SLC49A3: variants seen among roughly 807,000 people sequenced by gnomAD.
SLC49A3 encodes solute carrier family 49 member A3.
A neutral mutation model predicts 43.8 loss-of-function variants in SLC49A3; 50 were observed. The observed-to-expected ratio is 1.14, with a 90% CI of 0.91 to 1.45. The LOEUF is 1.45. Among genes scored for constraint, SLC49A3 ranks in the 40% most tolerant of loss-of-function variants. The pLI, the probability that SLC49A3 is intolerant of heterozygous loss-of-function variation, is 0.00. For synonymous variants in SLC49A3, 413 were observed against 352.0 expected, an observed-to-expected ratio of 1.17 and a Z score of -1.94; for missense variants, 906 against 774.1, an observed-to-expected ratio of 1.17 and a Z score of -2.02.
At position 682,800 on chromosome 4, in the gene SLC49A3, C is replaced by T. The variant is rs1339248750; in HGVS notation, c.1242G>A (p.Glu414=). The change falls in exon 9 of 10, where the codon GAG becomes GAA. Residue 414 remains glutamate, a synonymous_variant. Transcript: ENST00000322224. ...GCTCACCTGTCCAGTCAAGTGGATC[C>T]TCCCCCTGCTGGCAGGTGGACAAGG... is the stretch of plus-strand genomic sequence containing the variant. ...EPSLSTCQQG[E]DPLDWTVSLL... The T allele has an allele frequency of 6.3e-7, 1 of 1,594,976 alleles. No individual in the cohort carries two copies. The highest frequency in any genetic ancestry group is 8.6e-7 in the Non-Finnish European group (1 of 1,168,738).
downstream of SLC49A3, chr4:677,949 C>G (rs763044882): frequency 1.8e-5 from 29 of 1,612,146 alleles, no homozygotes; most frequent in Non-Finnish European, 2.5e-5. Context: ...CTGAACTGTC[C>G]TGGGGGACCA....
chr4:677,796 G>C (rs1738994587), downstream of SLC49A3: 2 of 650,324 alleles, frequency 3.1e-6, no homozygotes, highest in African/African-American at 3.6e-5. Context: ...CCTGGCCAGA[G>C]GTATCTGGGG....
chr4:685,121 C>G lies in SLC49A3; in HGVS notation c.586-265G>C. ...TAGCCCAGCACCCCCAGGCTCCAGACTTACATCTCACTGCCAGCTGCACAG... is the reference window on the plus strand; with the variant it reads ...TAGCCCAGCACCCCCAGGCTCCAGAGTTACATCTCACTGCCAGCTGCACAG... On this transcript the variant is annotated intron_variant, in intron 4 of 9. Coordinates refer to ENST00000322224, the MANE Select transcript of SLC49A3 (RefSeq NM_032219.4). This position sits in a 1 kb window ranked among gnomAD's most constrained non-coding sequence, Gnocchi z 4.3. The G allele has an allele frequency of 3.7e-6, 2 of 533,846 alleles. No homozygotes were observed. Among genetic ancestry groups the G allele is most frequent in the South Asian group, 4.8e-5 (2 of 41,244 alleles). The allele number at this position is 533,846 out of a possible 1,614,324, so 33.1% of individuals were successfully genotyped here. A position where few individuals can be genotyped will look rare whatever the true frequency, so the allele number is the denominator to read the frequency against.
chr4:681,645 GCCCCCTCCAGCGCCGCCCCGC>G, downstream of SLC49A3, among the ~76,000 whole-genome samples: 1 of 2,540 alleles, frequency 3.9e-4, no homozygotes, highest in Non-Finnish European at 9.0e-4. Flanking sequence ...GCGCCGCCCC[GCCCCCTCCAGCGCCGCCCCGC>G]CCCCTCCAGC....
chr4:678,327 A>T, downstream of SLC49A3: 1 of 1,420,610 alleles, frequency 7.0e-7, no homozygotes, highest in East Asian at 2.6e-5. Flanking sequence ...ACCCAGAACA[A>T]GCCCACCCAG....
upstream of SLC49A3, among the ~76,000 whole-genome samples, chr4:690,980 T>C (rs1263994556): frequency 6.6e-6 from 1 of 152,246 alleles, no homozygotes; most frequent in Admixed American, 6.5e-5. Flanking sequence ...CTACAGAACT[T>C]GCATGCTAAA....
At chr4:691,525 G>T (rs1232848800), upstream of SLC49A3, among the ~76,000 whole-genome samples, 2 of 151,386 alleles carry the variant, frequency 1.3e-5, no homozygotes, top group Non-Finnish European at 2.9e-5. Context: ...AACCCGGGAG[G>T]CAGAGGTTGC....
At chr4:690,395 T>G (rs1463421385), upstream of SLC49A3, among the ~76,000 whole-genome samples, 1 of 151,642 alleles carries the variant, frequency 6.6e-6, no homozygotes, top group Non-Finnish European at 1.5e-5. Flanking sequence ...CCCCTCATCT[T>G]TGTTCCCCAT....
intron 9 of SLC49A3, among the ~76,000 whole-genome samples, 170 bp downstream of exon 9, chr4:682,611 C>G (rs578197209): frequency 1.3e-5 from 2 of 152,292 alleles, no homozygotes; most frequent in East Asian, 3.9e-4. Flanking sequence ...CTGATCTCGG[C>G]CACACCTGTC....
chr4:679,281 A>G (rs1037030254), downstream of SLC49A3: 2 of 392,522 alleles, frequency 5.1e-6, no homozygotes, highest in Admixed American at 9.1e-5. Context: ...GTGGGCTTTG[A>G]GGCAGCAGGC....
At chr4:680,318 G>A (rs1349949909), downstream of SLC49A3, among the ~76,000 whole-genome samples, 1 of 152,170 alleles carries the variant, frequency 6.6e-6, no homozygotes, top group Non-Finnish European at 1.5e-5. Context: ...CTACACCCCA[G>A]GGCAGGAGTG....
chr4:683,950 C>T (rs1441495760), intron 6 of SLC49A3, among the ~76,000 whole-genome samples, 189 bp from the exon 7 acceptor site: 2 of 152,176 alleles, frequency 1.3e-5, no homozygotes, highest in Non-Finnish European at 2.9e-5. Context: ...CCACCCCACC[C>T]CAGAGCAAAG....
At chr4:687,371 C>T (rs577203524) in intron 1 of SLC49A3, 38 of 152,546 alleles carry the variant, frequency 2.5e-4, no homozygotes, top group African/African-American at 8.9e-4. Flanking sequence ...CCCTCGGACA[C>T]AGCAGCCAGA....
At position 682,854 on chromosome 4, in the gene SLC49A3, C is replaced by T. The variant is rs535181168; in HGVS notation, c.1188G>A (p.Thr396=). ...GCTCCGAGCGTCGCACAGTCAGTGC[C>T]GTCATTGCCAGCATGATGAGTATTC... The part of the protein sequence containing the change: ...AEGILIMLAM[T]ALTVRRSEPS... Residue 396 remains threonine, a synonymous_variant, in exon 9 of 10, where the codon ACG becomes ACA. Coordinates refer to ENST00000322224, the MANE Select transcript of SLC49A3 (RefSeq NM_032219.4). 18 of 1,603,974 alleles carry T rather than the reference C, an allele frequency of 1.1e-5. 1 individual carries two copies. The highest frequency in any genetic ancestry group is 1.7e-4 in the Middle Eastern group (1 of 5,876).
At chr4:690,660 C>G (rs1741804752), upstream of SLC49A3, among the ~76,000 whole-genome samples, 1 of 152,250 alleles carries the variant, frequency 6.6e-6, no homozygotes, top group Non-Finnish European at 1.5e-5. Flanking sequence ...GCCACAGTAG[C>G]TACCTCCATC....
intron 9 of SLC49A3, 73 bp downstream of exon 9, chr4:682,708 G>A: frequency 7.8e-7 from 1 of 1,284,426 alleles, no homozygotes; most frequent in Non-Finnish European, 1.1e-6. Flanking sequence ...GGGTTCACCT[G>A]TCCCGCTCCC....
chr4:679,300 G>C, downstream of SLC49A3: 1 of 383,152 alleles, frequency 2.6e-6, no homozygotes. Flanking sequence ...GCTCCAGGGA[G>C]GGGCTGACTC....
chr4:677,772 G>A (rs927299237), downstream of SLC49A3: 116 of 606,758 alleles, frequency 1.9e-4, no homozygotes, highest in Non-Finnish European at 3.1e-4. Context: ...GGGGACAGGT[G>A]GATGGGAGGT....
chr4:686,066 C>T (rs781233060), intron 3 of SLC49A3, 23 bp downstream of exon 3: 18 of 1,611,834 alleles, frequency 1.1e-5, no homozygotes, highest in East Asian at 6.7e-5. Flanking sequence ...CCCAGGCAGG[C>T]GGCCTCCCTC....
Sources: gnomAD v4.1 joint callset for allele counts (sites outside exome capture counted in the v4.1 genomes callset) on GRCh38, gnomAD v4.1.1 for gene constraint, Gnocchi (gnomAD v3.1) non-coding constraint, MANE v1.5 for transcripts, NCBI Gene and HGNC (gene_info 2026-07-23, HGNC 2026-07-21) for gene names.